IL1RAPL1: variants seen among roughly 807,000 people sequenced by gnomAD.
IL1RAPL1 encodes the protein interleukin-1 receptor accessory protein-like 1.
Under a neutral mutation model 48.4 loss-of-function variants are expected in IL1RAPL1, and 3 were observed. The observed-to-expected ratio is 0.06, with a 90% CI of 0.03 to 0.16. The LOEUF is 0.16. Ranked by LOEUF, IL1RAPL1 falls within the 10% of genes least tolerant of loss-of-function variation. The pLI, the probability that IL1RAPL1 is intolerant of heterozygous loss-of-function variation, is 1.00. For synonymous variants in IL1RAPL1, 185 were observed against 187.7 expected (o/e 0.99, Z 0.12); for missense variants, 349 against 530.6 (o/e 0.66, Z 3.36).
chrX:28,953,464 G>C (rs998114441), intron 2 of IL1RAPL1, among the ~76,000 whole-genome samples: 1 of 111,539 alleles, frequency 9.0e-6, no homozygotes, highest in Non-Finnish European at 1.9e-5. Flanking sequence ...CCAAGAAAAT[G>C]TGTATTCCTT....
chrX:29,073,470 C>T (rs1009408318), intron 2 of IL1RAPL1, among the ~76,000 whole-genome samples: 3 of 111,877 alleles, frequency 2.7e-5, no homozygotes, highest in Non-Finnish European at 5.6e-5. Flanking sequence ...AATTTTGTCT[C>T]ATCATTTATC....
intron 2 of IL1RAPL1, among the ~76,000 whole-genome samples, chrX:29,269,567 G>A (rs943680293): frequency 9.1e-5 from 10 of 109,545 alleles, no homozygotes; most frequent in African/African-American, 3.3e-4. Context: ...AAGAATGCCT[G>A]AAATCATGCC....
At chrX:28,831,831 GT>G (rs1187965206) in intron 2 of IL1RAPL1, among the ~76,000 whole-genome samples, 1 of 110,242 alleles carries the variant, frequency 9.1e-6, no homozygotes, top group Admixed American at 9.7e-5. Flanking sequence ...TAATATTTTT[GT>G]TTTCTTTATG....
intron 6 of IL1RAPL1, among the ~76,000 whole-genome samples, chrX:29,876,665 A>G (rs1305621469): frequency 3.6e-5 from 4 of 111,125 alleles, no homozygotes; most frequent in Non-Finnish European, 5.7e-5. Context: ...TAGTAGAGTG[A>G]CCCAGCAATA....
intron 6 of IL1RAPL1, among the ~76,000 whole-genome samples, chrX:29,771,085 A>G (rs1323763625): frequency 1.8e-5 from 2 of 112,387 alleles, no homozygotes; most frequent in Non-Finnish European, 3.7e-5. Context: ...TAGTTTCTAC[A>G]AACTTTACTA....
At chrX:28,926,480 A>G (rs200887701) in intron 2 of IL1RAPL1, among the ~76,000 whole-genome samples, 1 of 110,926 alleles carries the variant, frequency 9.0e-6, no homozygotes, top group East Asian at 2.8e-4. Context: ...CCTTGTCATT[A>G]AAAAAGTGGT....
At chrX:29,809,088 T>G (rs1042897142) in intron 6 of IL1RAPL1, among the ~76,000 whole-genome samples, 1 of 101,841 alleles carries the variant, frequency 9.8e-6, no homozygotes, top group African/African-American at 3.6e-5. Context: ...CCTGCTTTTT[T>G]TTTTTTCTTT....
intron 5 of IL1RAPL1, among the ~76,000 whole-genome samples, chrX:29,412,279 A>G (rs1934153949): frequency 1.0e-5 from 1 of 97,972 alleles, no homozygotes; most frequent in Non-Finnish European, 2.1e-5. Flanking sequence ...AAAAAAAAAG[A>G]AAAAAAAAAT....
chrX:28,970,505 A>G (rs753419771), intron 2 of IL1RAPL1, among the ~76,000 whole-genome samples: 7 of 111,948 alleles, frequency 6.3e-5, no homozygotes, highest in South Asian at 3.7e-4. Context: ...ATAAGTTCCA[A>G]TTGTGTCAAT....
chrX:29,256,222 G>T (rs186117192), intron 2 of IL1RAPL1, among the ~76,000 whole-genome samples: 2 of 111,223 alleles, frequency 1.8e-5, no homozygotes, highest in South Asian at 3.7e-4. Flanking sequence ...TCCTTTAAAA[G>T]CTTCCTACAT....
chrX:29,915,697 G>A (rs985590079), intron 6 of IL1RAPL1, among the ~76,000 whole-genome samples: 233 of 102,551 alleles, frequency 2.3e-3, no homozygotes, highest in African/African-American at 6.3e-3. Flanking sequence ...GAGTTCTCAG[G>A]GCCCTCTGGT....
intron 8 of IL1RAPL1, among the ~76,000 whole-genome samples, chrX:29,933,649 A>G (rs1932983353): frequency 1.9e-5 from 2 of 105,861 alleles, no homozygotes; most frequent in South Asian, 8.1e-4. Flanking sequence ...AGATATAGAC[A>G]AAATAGACAA....
intron 2 of IL1RAPL1, among the ~76,000 whole-genome samples, chrX:29,222,733 G>T (rs1171818169): frequency 9.0e-6 from 1 of 111,266 alleles, no homozygotes; most frequent in Non-Finnish European, 1.9e-5. Context: ...TATCAGGGGT[G>T]GAAGGATTTT....
chrX:28,823,154 A>ATT (rs1305098911), intron 2 of IL1RAPL1, among the ~76,000 whole-genome samples: 1 of 111,136 alleles, frequency 9.0e-6, no homozygotes, highest in Non-Finnish European at 1.9e-5. Context: ...CGGTAGTTAT[A>ATT]TTTCAATGGC....
intron 3 of IL1RAPL1, among the ~76,000 whole-genome samples, chrX:29,308,931 G>T (rs777412522): frequency 8.9e-6 from 1 of 111,942 alleles, no homozygotes; most frequent in Admixed American, 9.4e-5. Flanking sequence ...AAGCCACTAG[G>T]GTCTCAGGAA....
chrX:28,894,952 TTGAC>T (rs1254285900), intron 2 of IL1RAPL1, among the ~76,000 whole-genome samples: 1 of 110,982 alleles, frequency 9.0e-6, no homozygotes, highest in Non-Finnish European at 1.9e-5. Flanking sequence ...AAATTTGGGC[TTGAC>T]TGAAGTAATG....
chrX:29,179,723 T>A (rs1930104848), intron 2 of IL1RAPL1, among the ~76,000 whole-genome samples: 1 of 111,627 alleles, frequency 9.0e-6, no homozygotes, highest in African/African-American at 3.3e-5. Context: ...GACTTTTAAT[T>A]TTTTTGTACA....
At chrX:29,354,327 C>G (rs186711735) in intron 3 of IL1RAPL1, among the ~76,000 whole-genome samples, 120 of 111,299 alleles carry the variant, frequency 1.1e-3, no homozygotes, top group Middle Eastern at 4.6e-3. Context: ...TGGTACAAAG[C>G]TTGAGATTTA....
At chrX:29,439,941 A>G (rs1387278642) in intron 5 of IL1RAPL1, among the ~76,000 whole-genome samples, 2 of 96,744 alleles carry the variant, frequency 2.1e-5, no homozygotes, top group Admixed American at 1.2e-4. Context: ...CTGCACAGCT[A>G]CGTTAAATAT....
Sources: allele counts gnomAD v4.1 joint callset (sites outside exome capture counted in the v4.1 genomes callset), GRCh38; gene constraint gnomAD v4.1.1; transcripts MANE v1.5; gene names NCBI Gene and HGNC (gene_info 2026-07-23, HGNC 2026-07-21).